AP1M1: variants seen among roughly 807,000 people sequenced by gnomAD.
AP1M1 encodes adaptor related protein complex 1 subunit mu 1.
Under a neutral mutation model 57.1 loss-of-function variants are expected in AP1M1, and 18 were observed. That is an observed-to-expected ratio of 0.32 (90% confidence interval 0.22 to 0.47). AP1M1 has a LOEUF of 0.47. Among genes scored for constraint, AP1M1 ranks in the 20% least tolerant of loss-of-function variants. The pLI is 1.00. For missense variants in AP1M1, 362 were observed against 593.5 expected (o/e 0.61, Z 4.05); for synonymous variants, 241 against 237.9 (o/e 1.01, Z -0.12).
intron 5 of AP1M1, among the ~76,000 whole-genome samples, chr19:16,226,083 C>A (rs1335846211): frequency 6.6e-6 from 1 of 152,108 alleles, no homozygotes; most frequent in African/African-American, 2.4e-5. Context: ...TGATAGAGAA[C>A]CCTCAGAGGG....
chr19:16,228,087 C>T lies in AP1M1; in HGVS notation c.817-50C>T. ...CCTTGGTTTCCCCTCTGAAATGGGC[C>T]TTTGTCAAACAAGGCCAGGTGTGAG... On this transcript the variant is annotated intron_variant, in intron 7 of 11. Transcript: ENST00000291439. The surrounding 1 kb of genome is among the most constrained non-coding windows in gnomAD (Gnocchi z 5.0). The T allele has an allele frequency of 6.3e-7, 1 of 1,586,200 alleles. No individual in the cohort carries two copies. The highest frequency in any genetic ancestry group is 8.6e-7 in the Non-Finnish European group (1 of 1,157,460).
Position 16,228,033 on chromosome 19 carries a change from C to T in AP1M1, c.817-104C>T. The T allele has an allele frequency of 1.6e-6, 2 of 1,218,274 alleles. No individual in the cohort carries two copies. Among genetic ancestry groups the T allele is most frequent in the Non-Finnish European group, 2.4e-6 (2 of 846,240 alleles). 75.5% of individuals were successfully genotyped at this position (1,218,274 alleles called of 1,614,324 possible). A position where few individuals can be genotyped will look rare whatever the true frequency, so the allele number is the denominator to read the frequency against. The stretch of plus-strand genomic sequence containing the variant: ...CGCTCCCTGCAGGGCTCTGGGCCCA[C>T]ACCTGGGCAGATGGTCCCTTGCCCT... On this transcript the variant is annotated intron_variant, in intron 7 of 11. Transcript: ENST00000291439. This position sits in a 1 kb window ranked among gnomAD's most constrained non-coding sequence, Gnocchi z 5.0.
intron 5 of AP1M1, among the ~76,000 whole-genome samples, chr19:16,218,132 G>A (rs2091526531): frequency 6.6e-6 from 1 of 152,242 alleles, no homozygotes; most frequent in Non-Finnish European, 1.5e-5. Context: ...TGACTGCAGA[G>A]CTGCCTCTGA....
chr19:16,231,055 G>A lies in AP1M1; in HGVS notation c.1047+2127G>A, dbSNP rs542084139. On this transcript the variant is annotated intron_variant, in intron 9 of 11. Coordinates refer to ENST00000291439, the MANE Select transcript of AP1M1 (RefSeq NM_032493.4). ...TGTAATCCCAGCACTTTCGGAGGCTGAGGCGGGCGGATCACAAGGTCAGGA... is the reference window on the plus strand; with the variant it reads ...TGTAATCCCAGCACTTTCGGAGGCTAAGGCGGGCGGATCACAAGGTCAGGA... Among the ~76,000 whole-genome samples, 41 of 152,030 alleles carry A rather than the reference G, an allele frequency of 2.7e-4. No homozygotes were observed. The East Asian group carries it at 2.9e-3, about 11-fold the overall frequency.
chr19:16,243,054 C>G lies in AP1M1; in HGVS notation c.*8619C>G, dbSNP rs1599471903. Reference sequence around the variant, plus strand: ...CCAAAGTGCTAGTGGCAGGTGTGAGCCACCACACACGGCCAGAATAGACTT... The same window carrying G: ...CCAAAGTGCTAGTGGCAGGTGTGAGGCACCACACACGGCCAGAATAGACTT... On this transcript the variant is annotated 3_prime_UTR_variant, in exon 12 of 12. Coordinates refer to ENST00000291439, the MANE Select transcript of AP1M1 (RefSeq NM_032493.4). 1 of 151,880 alleles carries G rather than the reference C, an allele frequency of 6.6e-6. No homozygotes were observed. The highest frequency in any genetic ancestry group is 6.6e-5 in the Admixed American group (1 of 15,242). 9.4% of individuals were successfully genotyped at this position (151,880 alleles called of 1,614,324 possible).
At chr19:16,214,843 G>A (rs908702700) in intron 5 of AP1M1, among the ~76,000 whole-genome samples, 4 of 151,526 alleles carry the variant, frequency 2.6e-5, no homozygotes, top group Admixed American at 1.3e-4. Context: ...CTACCTCCCT[G>A]GCACAAGCTA....
intron 1 of AP1M1, among the ~76,000 whole-genome samples, chr19:16,201,137 G>A (rs118090181): frequency 2.8e-3 from 433 of 152,162 alleles, no homozygotes; most frequent in East Asian, 5.0e-3. Flanking sequence ...CGTTATCCTC[G>A]CCTCCTTTGT....
At position 16,198,077 on chromosome 19, in the gene AP1M1, G is replaced by A; in HGVS notation, c.42+9G>A. ...TGGACCTGAAGGGCAAGGTACTGAG[G>A]GCTCCCCACCCTCCCTGTTGCCAGG... On this transcript the variant is annotated intron_variant, in intron 1 of 11. Coordinates refer to ENST00000291439, the MANE Select transcript of AP1M1 (RefSeq NM_032493.4). 6 of 1,598,906 alleles carry A rather than the reference G, an allele frequency of 3.8e-6. No homozygotes were observed. Among genetic ancestry groups the A allele is most frequent in the South Asian group, 1.1e-5 (1 of 89,694 alleles).
At chr19:16,224,004 G>A (rs1430545541) in intron 5 of AP1M1, among the ~76,000 whole-genome samples, 1 of 152,192 alleles carries the variant, frequency 6.6e-6, no homozygotes, top group Non-Finnish European at 1.5e-5. Context: ...GCAGCATTGA[G>A]CACGCTTGCT....
rs12980619 is a variant in AP1M1, at chr19:16,235,365, A to G, written c.*930A>G. On this transcript the variant is annotated 3_prime_UTR_variant, in exon 12 of 12. Transcript: ENST00000291439. Reference sequence around the variant, plus strand: ...ATACTCCACAGCCTTCCTCTGATGCAGCGTGGTCCCAACTCCTCCTGCGTG... The same window carrying G: ...ATACTCCACAGCCTTCCTCTGATGCGGCGTGGTCCCAACTCCTCCTGCGTG... 0.68 allele frequency: 103,956 copies of G among 152,256 alleles called. 36,981 individuals are homozygous for G. Among genetic ancestry groups the G allele is most frequent in the Non-Finnish European group, 0.8 (54,442 of 68,038 alleles). 9.4% of individuals were successfully genotyped at this position (152,256 alleles called of 1,614,324 possible).
rs2091620727 is a variant in AP1M1, at chr19:16,235,366, GCGTGGTCCCAACTCCTCCT to G, written c.*932_*950del. On this transcript the variant is annotated 3_prime_UTR_variant, in exon 12 of 12. Coordinates refer to ENST00000291439, the MANE Select transcript of AP1M1 (RefSeq NM_032493.4). ...TACTCCACAGCCTTCCTCTGATGCA[GCGTGGTCCCAACTCCTCCT>G]GCGTGACCACAGGGCTTGCCTGGTT... 1 of 152,272 alleles carries G rather than the reference GCGTGGTCCCAACTCCTCCT, an allele frequency of 6.6e-6. No individual in the cohort carries two copies. The highest frequency in any genetic ancestry group is 6.5e-5 in the Admixed American group (1 of 15,282). 9.4% of individuals were successfully genotyped at this position (152,272 alleles called of 1,614,324 possible).
At chr19:16,214,070 A>C (rs1599457603) in intron 5 of AP1M1, among the ~76,000 whole-genome samples, 1 of 79,752 alleles carries the variant, frequency 1.3e-5, no homozygotes, top group Non-Finnish European at 3.1e-5. Context: ...TTTTTTTGAG[A>C]CAAAGTCTCA....
chr19:16,199,679 C>T (rs979840026), intron 1 of AP1M1, among the ~76,000 whole-genome samples: 5 of 151,818 alleles, frequency 3.3e-5, no homozygotes, highest in African/African-American at 1.2e-4. Flanking sequence ...ACTGGTGAGA[C>T]CCAGTGCTGG....
At chr19:16,198,237 C>A in intron 1 of AP1M1, 169 bp downstream of exon 1, 1 of 575,128 alleles carries the variant, frequency 1.7e-6, no homozygotes, top group Non-Finnish European at 2.8e-6. Flanking sequence ...GGTAACCGGG[C>A]GGGGGTCTTA....
rs1364199429 is a variant in AP1M1 at position 16,240,019 on chromosome 19, T to C, written c.*5584T>C. Reference sequence around the variant, plus strand: ...AAAACAATTGTGTCTGTGCTGGACATGTACAGGTTTTCTTTTTTATTGTCA... The same window carrying C: ...AAAACAATTGTGTCTGTGCTGGACACGTACAGGTTTTCTTTTTTATTGTCA... On this transcript the variant is annotated 3_prime_UTR_variant, in exon 12 of 12. Transcript: ENST00000291439. 6.6e-6 allele frequency: 1 copy of C among 152,182 alleles called. No individual in the cohort carries two copies. Among genetic ancestry groups the C allele is most frequent in the Non-Finnish European group, 1.5e-5 (1 of 68,038 alleles). The allele number at this position is 152,182 out of a possible 1,614,324, so 9.4% of individuals were successfully genotyped here. A position where few individuals can be genotyped will look rare whatever the true frequency, so the allele number is the denominator to read the frequency against.
intron 1 of AP1M1, among the ~76,000 whole-genome samples, chr19:16,202,618 C>G (rs1253679905): frequency 6.6e-6 from 1 of 152,228 alleles, no homozygotes; most frequent in African/African-American, 2.4e-5. Context: ...TCTGGTTTCT[C>G]TCAGCCAGCA....
chr19:16,231,998 G>A (rs552989860), intron 9 of AP1M1, among the ~76,000 whole-genome samples: 38 of 152,328 alleles, frequency 2.5e-4, no homozygotes, highest in Non-Finnish European at 4.7e-4. Flanking sequence ...GATCTGGGCC[G>A]GGCCTTGCGT....
At chr19:16,230,460 GCACA>G (rs2091591216) in intron 9 of AP1M1, among the ~76,000 whole-genome samples, 1 of 149,856 alleles carries the variant, frequency 6.7e-6, no homozygotes, top group Non-Finnish European at 1.5e-5. Flanking sequence ...GAGTGCAGTG[GCACA>G]ATCTCGGCTC....
At position 16,239,235 on chromosome 19, in the gene AP1M1, T is replaced by TTC. The variant is rs1342048841; in HGVS notation, c.*4804_*4805dup. The TTC allele has an allele frequency of 5.3e-5, 6 of 113,540 alleles. No individual in the cohort carries two copies. The highest frequency in any genetic ancestry group is 6.4e-5 in the African/African-American group (2 of 31,150). 7.0% of individuals were successfully genotyped at this position (113,540 alleles called of 1,614,324 possible). A position where few individuals can be genotyped will look rare whatever the true frequency, so the allele number is the denominator to read the frequency against. ...GGCATGAGCCACCGCGCCCGGCCAG[T>TTC]TCTCTTTTTTTTTTTTTTTTTTTTT... On this transcript the variant is annotated 3_prime_UTR_variant, in exon 12 of 12. Coordinates refer to ENST00000291439, the MANE Select transcript of AP1M1 (RefSeq NM_032493.4).
Sources: gnomAD v4.1 joint callset for allele counts (sites outside exome capture counted in the v4.1 genomes callset) on GRCh38, gnomAD v4.1.1 for gene constraint, Gnocchi (gnomAD v3.1) non-coding constraint, MANE v1.5 for transcripts, NCBI Gene and HGNC (gene_info 2026-07-23, HGNC 2026-07-21) for gene names.